Variants in CCDC102B observed in about 807,000 individuals in gnomAD.
The protein encoded by CCDC102B is coiled-coil domain-containing protein 102B.
In CCDC102B, 75 loss-of-function variants were observed where a neutral mutation model predicts 57.4. The ratio of observed to expected loss-of-function variants is 1.31; its 90% confidence interval spans 1.08 to 1.58. The LOEUF is 1.58. Ranked by LOEUF, CCDC102B falls within the 40% of genes most tolerant of loss-of-function variation. The probability of loss-of-function intolerance (pLI) is 0.00; values close to 1 mark genes in which losing one functional copy is unlikely to be tolerated. For missense variants in CCDC102B, 636 were observed against 582.6 expected (o/e 1.09, Z -0.94); for synonymous variants, 206 against 201.9 (o/e 1.02, Z -0.17).
chr18:69,024,064 C>A (rs977938464), intron 7 of CCDC102B, among the ~76,000 whole-genome samples: 1 of 151,700 alleles, frequency 6.6e-6, no homozygotes, highest in African/African-American at 2.4e-5. Flanking sequence ...TAAATTATTT[C>A]TCTAAATTTT....
Position 68,988,586 on chromosome 18 carries a change from G to T in CCDC102B, c.1264-22348G>T, listed in dbSNP as rs115209642. 5.9e-3 allele frequency among the ~76,000 whole-genome samples: 879 copies of T among 149,126 alleles called. 7 individuals carry two copies. Among genetic ancestry groups the T allele is most frequent in the African/African-American group, 0.02 (809 of 39,564 alleles). ...AAAAACAAAAAAAAAGGAAAAAAAAGAATTACTCTGGGTCAGCAAGAATGA... is the reference window on the plus strand; with the variant it reads ...AAAAACAAAAAAAAAGGAAAAAAAATAATTACTCTGGGTCAGCAAGAATGA... On this transcript the variant is annotated intron_variant, in intron 6 of 7. Transcript: ENST00000360242.
chr18:68,869,445 G>A (rs1479697027), intron 4 of CCDC102B, among the ~76,000 whole-genome samples: 3 of 152,332 alleles, frequency 2.0e-5, no homozygotes, highest in East Asian at 3.9e-4. Context: ...ATATTGTGTG[G>A]TGGAAAGTCT....
intron 4 of CCDC102B, among the ~76,000 whole-genome samples, chr18:68,874,204 G>GTA (rs1232375947): frequency 1.2e-4 from 11 of 93,422 alleles, no homozygotes; most frequent in African/African-American, 3.0e-4. Context: ...GTGTGTGTGT[G>GTA]TGTGTGTGTA....
intron 6 of CCDC102B, among the ~76,000 whole-genome samples, chr18:68,962,881 G>C (rs559126107): frequency 4.5e-4 from 68 of 151,968 alleles, no homozygotes; most frequent in African/African-American, 1.6e-3. Flanking sequence ...GTTTTTCCCT[G>C]AATCAAATGC....
chr18:68,875,450 A>G (rs564124746), intron 5 of CCDC102B, among the ~76,000 whole-genome samples: 1 of 152,274 alleles, frequency 6.6e-6, no homozygotes, highest in East Asian at 1.9e-4. Context: ...GTCTTGGAAC[A>G]GATAATTCTG....
intron 5 of CCDC102B, among the ~76,000 whole-genome samples, chr18:68,880,089 G>A: frequency 6.6e-6 from 1 of 152,178 alleles, no homozygotes; most frequent in East Asian, 1.9e-4. Context: ...GGAGCCCATG[G>A]AGGGGGTGGA....
intron 6 of CCDC102B, among the ~76,000 whole-genome samples, chr18:68,969,438 T>G (rs993703340): frequency 6.6e-6 from 1 of 152,036 alleles, no homozygotes. Context: ...TTTAATATAC[T>G]AACATTTATT....
intron 2 of CCDC102B, among the ~76,000 whole-genome samples, chr18:68,766,102 C>A (rs1008882882): frequency 1.3e-5 from 2 of 151,998 alleles, no homozygotes; most frequent in African/African-American, 4.8e-5. Flanking sequence ...ATTTTGATTC[C>A]TATTTTTGCA....
upstream of CCDC102B, among the ~76,000 whole-genome samples, chr18:68,794,485 G>A (rs750218498): frequency 5.3e-5 from 8 of 152,024 alleles, no homozygotes; most frequent in Non-Finnish European, 7.4e-5. Flanking sequence ...AAATTGTTTT[G>A]TAGGGAGGAA....
chr18:68,940,278 T>C (rs576418788), intron 6 of CCDC102B, among the ~76,000 whole-genome samples: 2 of 151,980 alleles, frequency 1.3e-5, no homozygotes, highest in Admixed American at 6.6e-5. Flanking sequence ...TATTAGGCAA[T>C]TATAATAATA....
chr18:68,952,026 T>C (rs2049712842), intron 6 of CCDC102B, among the ~76,000 whole-genome samples: 1 of 152,182 alleles, frequency 6.6e-6, no homozygotes, highest in Non-Finnish European at 1.5e-5. Context: ...GAAATAAAAT[T>C]GTACTGCATT....
chr18:68,801,714 G>A (rs943902054), intron 1 of CCDC102B, among the ~76,000 whole-genome samples: 3 of 152,056 alleles, frequency 2.0e-5, no homozygotes, highest in Admixed American at 6.6e-5. Context: ...TGCAGTAAAC[G>A]TTTGGAAATA....
intron 6 of CCDC102B, among the ~76,000 whole-genome samples, chr18:68,925,667 G>GTTACTAATTTT (rs2041452323): frequency 6.6e-6 from 1 of 151,946 alleles, no homozygotes; most frequent in African/African-American, 2.4e-5. Flanking sequence ...TGTACTTATA[G>GTTACTAATTTT]GTGGTTACTA....
At chr18:68,828,322 C>CAAAAAAAAA (rs58180806) in intron 1 of CCDC102B, among the ~76,000 whole-genome samples, 6 of 80,802 alleles carry the variant, frequency 7.4e-5, no homozygotes, top group Non-Finnish European at 1.4e-4. Context: ...ACCCTATTTA[C>CAAAAAAAAA]AAAAAAAAAA....
Position 69,011,069 on chromosome 18 carries a change from G to C in CCDC102B, c.1399G>C (p.Glu467Gln). The C allele has an allele frequency of 3.7e-6, 6 of 1,613,722 alleles. No individual in the cohort carries two copies. The highest frequency in any genetic ancestry group is 5.1e-6 in the Non-Finnish European group (6 of 1,179,812). The change falls in exon 7 of 8, where the codon GAA (glutamate) becomes CAA (glutamine). Residue 467 changes from glutamate (E) to glutamine (Q), a missense_variant. Physicochemically the swap from Glu to Gln is conservative, Grantham distance 29 (BLOSUM62 2). Coordinates refer to ENST00000360242, the MANE Select transcript of CCDC102B (RefSeq NM_024781.3). ...AAAGAAACTAAGATTACGAGTGGAAGAACTAAAGCAGGGACTCAATCAAAA... is the reference window on the plus strand; with the variant it reads ...AAAGAAACTAAGATTACGAGTGGAACAACTAAAGCAGGGACTCAATCAAAA... ...EVKKLRLRVE[E>Q]LKQGLNQKED... is the part of the protein sequence containing the mutation.
intron 6 of CCDC102B, among the ~76,000 whole-genome samples, chr18:68,985,541 A>T (rs951923641): frequency 2.6e-5 from 4 of 152,148 alleles, no homozygotes; most frequent in Non-Finnish European, 5.9e-5. Flanking sequence ...GGAAGGAGCT[A>T]AAGAGGGTGA....
intron 6 of CCDC102B, among the ~76,000 whole-genome samples, chr18:68,926,664 A>G (rs1229740139): frequency 6.6e-6 from 1 of 151,928 alleles, no homozygotes; most frequent in Non-Finnish European, 1.5e-5. Flanking sequence ...TATTGCCATT[A>G]TATCCACAAA....
At chr18:68,894,485 AATTCT>A (rs1415223215) in intron 5 of CCDC102B, among the ~76,000 whole-genome samples, 1 of 151,876 alleles carries the variant, frequency 6.6e-6, no homozygotes, top group Non-Finnish European at 1.5e-5. Context: ...AAAGCAATGG[AATTCT>A]ATTTCCATTT....
At chr18:68,730,372 A>G (rs1342993304) in intron 2 of CCDC102B, among the ~76,000 whole-genome samples, 1 of 152,172 alleles carries the variant, frequency 6.6e-6, no homozygotes, top group Non-Finnish European at 1.5e-5. Flanking sequence ...CCAATTATGA[A>G]AGTCAATTAA....
Sources: allele counts gnomAD v4.1 joint callset (sites outside exome capture counted in the v4.1 genomes callset), GRCh38; gene constraint gnomAD v4.1.1; transcripts MANE v1.5; gene names NCBI Gene and HGNC (gene_info 2026-07-23, HGNC 2026-07-21).